OSBPL3: variants seen among roughly 807,000 people sequenced by gnomAD.
OSBPL3 encodes the protein oxysterol-binding protein-related protein 3.
Under a neutral mutation model 120.1 loss-of-function variants are expected in OSBPL3, and 65 were observed. That is an observed-to-expected ratio of 0.54 (90% confidence interval 0.44 to 0.67). OSBPL3 has a LOEUF of 0.67. Among genes scored for constraint, OSBPL3 ranks in the 30% least tolerant of loss-of-function variants. The pLI is 0.00. For missense variants in OSBPL3, 1,004 were observed against 1,082.1 expected (o/e 0.93, Z 1.01); for synonymous variants, 416 against 402.6 (o/e 1.03, Z -0.40).
In OSBPL3 at chr7:24,899,965, A is replaced by G. The variant is rs1028140311; in HGVS notation, c.-149-7344T>C. Among the ~76,000 whole-genome samples, 3 of 152,216 alleles carry G rather than the reference A, an allele frequency of 2.0e-5. No homozygotes were observed. Among genetic ancestry groups the G allele is most frequent in the Non-Finnish European group, 4.4e-5 (3 of 68,044 alleles). On this transcript the variant is annotated intron_variant, in intron 1 of 22. Transcript: ENST00000313367. The surrounding 1 kb of genome is among the most constrained non-coding windows in gnomAD (Gnocchi z 4.0). ...GTAACTGACTTAGCCTGTAGCTTTCAACCTTTCTTATTTGACTCCAAGCCA... is the reference window on the plus strand; with the variant it reads ...GTAACTGACTTAGCCTGTAGCTTTCGACCTTTCTTATTTGACTCCAAGCCA...
chr7:24,957,236 C>T (rs1398208372), intron 1 of OSBPL3, among the ~76,000 whole-genome samples: 3 of 150,676 alleles, frequency 2.0e-5, no homozygotes, highest in Non-Finnish European at 4.4e-5. Context: ...AAAAAAAAAA[C>T]CTCACCATCA....
chr7:24,823,186 CTTCAGCCT>C (rs1318495712), intron 16 of OSBPL3, among the ~76,000 whole-genome samples: 1 of 152,154 alleles, frequency 6.6e-6, no homozygotes, highest in Non-Finnish European at 1.5e-5. Context: ...TTTTCAGTCC[CTTCAGCCT>C]CTGTCACCTC....
In OSBPL3 at chr7:24,940,416, T is replaced by TA. The variant is rs1257002815; in HGVS notation, c.-150+39469dup. ...AAAAGGGTTGACTATATAGCCCAGG[T>TA]ACACCAGGGGAGAAGTAAAGAGTGT... is the stretch of plus-strand genomic sequence containing the variant. On this transcript the variant is annotated intron_variant, in intron 1 of 22. Transcript: ENST00000313367. This position sits in a 1 kb window ranked among gnomAD's most constrained non-coding sequence, Gnocchi z 4.4. 6.6e-6 allele frequency among the ~76,000 whole-genome samples: 1 copy of TA among 152,048 alleles called. No homozygotes were observed. The highest frequency in any genetic ancestry group is 1.5e-5 in the Non-Finnish European group (1 of 68,022).
chr7:24,812,442 TCAGCTCAGCTCAGGCCAGTC>T (rs1413759571), intron 19 of OSBPL3, among the ~76,000 whole-genome samples: 59 of 152,174 alleles, frequency 3.9e-4, no homozygotes, highest in Non-Finnish European at 7.8e-4. Context: ...TCTGCTCAGT[TCAGCTCAGCTCAGGCCAGTC>T]CAGCCCAGCT....
rs560166679 is a variant in OSBPL3 at position 24,813,894 on chromosome 7, C to T, written c.2172+1165G>A. ...TGAGAGACCATTCCATACTTTTTGC[C>T]TCTGGCCAATTTTTCCATTTATTCT... On this transcript the variant is annotated intron_variant, in intron 19 of 22. Coordinates refer to ENST00000313367, the MANE Select transcript of OSBPL3 (RefSeq NM_015550.4). The surrounding 1 kb of genome is among the most constrained non-coding windows in gnomAD (Gnocchi z 4.5). Among the ~76,000 whole-genome samples, 2 of 152,222 alleles carry T rather than the reference C, an allele frequency of 1.3e-5. No individual in the cohort carries two copies. The highest frequency in any genetic ancestry group is 2.1e-4 in the South Asian group (1 of 4,826).
In OSBPL3 at chr7:24,936,408, A is replaced by C. The variant is rs768237388; in HGVS notation, c.-150+43478T>G. Among the ~76,000 whole-genome samples, 3 of 152,218 alleles carry C rather than the reference A, an allele frequency of 2.0e-5. No individual in the cohort carries two copies. The highest frequency in any genetic ancestry group is 6.5e-5 in the Admixed American group (1 of 15,288). ...TCCAAGACCTCAACATGCACAAGAC[A>C]AAGATCTTGCTCTTAACAAGGTCAA... On this transcript the variant is annotated intron_variant, in intron 1 of 22. Coordinates refer to ENST00000313367, the MANE Select transcript of OSBPL3 (RefSeq NM_015550.4). The surrounding 1 kb of genome is among the most constrained non-coding windows in gnomAD (Gnocchi z 4.2).
intron 1 of OSBPL3, among the ~76,000 whole-genome samples, chr7:24,908,598 C>G (rs976481479): frequency 1.3e-5 from 2 of 152,214 alleles, no homozygotes; most frequent in South Asian, 4.1e-4. Context: ...GAGAACCACG[C>G]TAACCGTGGT....
chr7:24,954,397 T>C (rs910530500), intron 1 of OSBPL3, among the ~76,000 whole-genome samples: 1 of 152,200 alleles, frequency 6.6e-6, no homozygotes, highest in African/African-American at 2.4e-5. Context: ...ATTAAGAATG[T>C]TGTTATAGCT....
upstream of OSBPL3, among the ~76,000 whole-genome samples, chr7:24,980,443 C>A (rs567744837): frequency 3.3e-5 from 5 of 151,910 alleles, no homozygotes; most frequent in Non-Finnish European, 7.4e-5. Context: ...AGTCCTGCGG[C>A]GAGGCACTGG....
chr7:24,915,162 A>G (rs1308694065), intron 1 of OSBPL3, among the ~76,000 whole-genome samples: 1 of 152,178 alleles, frequency 6.6e-6, no homozygotes, highest in Non-Finnish European at 1.5e-5. Flanking sequence ...CAGCTCCACA[A>G]AGCTACCCAA....
At chr7:24,801,312 A>G (rs1470461290) in intron 22 of OSBPL3, among the ~76,000 whole-genome samples, 3 of 151,452 alleles carry the variant, frequency 2.0e-5, no homozygotes, top group East Asian at 1.9e-4. Flanking sequence ...CTGATTTTCT[A>G]TTCTTTGAAT....
intron 1 of OSBPL3, among the ~76,000 whole-genome samples, chr7:24,931,225 A>T (rs1321962207): frequency 6.6e-6 from 1 of 152,242 alleles, no homozygotes; most frequent in Non-Finnish European, 1.5e-5. Flanking sequence ...TAATTTGGAA[A>T]AAAATTCAGA....
rs1399761460 is a variant in OSBPL3, at chr7:24,863,587, C to T, written c.686G>A (p.Cys229Tyr). The T allele has an allele frequency of 1.2e-6, 2 of 1,612,678 alleles. No homozygotes were observed. The highest frequency in any genetic ancestry group is 1.7e-6 in the Non-Finnish European group (2 of 1,178,752). Residue 229 changes from cysteine (C) to tyrosine (Y), a missense_variant, in exon 8 of 23, where the codon TGT becomes TAT. Cys to Tyr is a radical substitution (Grantham distance 194). Coordinates refer to ENST00000313367, the MANE Select transcript of OSBPL3 (RefSeq NM_015550.4). This position sits in a 1 kb window ranked among gnomAD's most constrained non-coding sequence, Gnocchi z 5.8. ...GCTCATTTCTACCAGGTAGGCATGA[C>T]AGTGCGCCAGGTCTGTGGGGGAAAA... ...MEKCSKDLAH[C>Y]HAYLVEMSQL...
chr7:24,908,797 G>A (rs1215878287), intron 1 of OSBPL3, among the ~76,000 whole-genome samples: 1 of 152,092 alleles, frequency 6.6e-6, no homozygotes, highest in Admixed American at 6.6e-5. Flanking sequence ...TGCTCTGCCG[G>A]TTGTTCTCTA....
chr7:24,840,828 A>G (rs777637047), intron 13 of OSBPL3, 45 bp from the exon 14 acceptor site: 2 of 882,326 alleles, frequency 2.3e-6, no homozygotes, highest in Non-Finnish European at 3.6e-6. Context: ...AGAATAAACA[A>G]GAGCCAGATT....
chr7:24,935,090 A>G (rs1375895757), intron 1 of OSBPL3, among the ~76,000 whole-genome samples: 1 of 152,182 alleles, frequency 6.6e-6, no homozygotes, highest in Non-Finnish European at 1.5e-5. Flanking sequence ...AGAAAATTTG[A>G]TAAATAATTT....
At chr7:24,944,838 C>T (rs572539110) in intron 1 of OSBPL3, among the ~76,000 whole-genome samples, 2 of 152,264 alleles carry the variant, frequency 1.3e-5, no homozygotes, top group East Asian at 3.9e-4. Context: ...TTAATAGTGA[C>T]ATTTTAAATG....
intron 1 of OSBPL3, among the ~76,000 whole-genome samples, chr7:24,921,379 G>A (rs910847950): frequency 2.0e-5 from 3 of 152,142 alleles, no homozygotes; most frequent in East Asian, 3.9e-4. Flanking sequence ...CATGAATAGG[G>A]CAAGCACAGA....
chr7:24,981,137 A>G (rs888540399), upstream of OSBPL3, among the ~76,000 whole-genome samples: 5 of 152,180 alleles, frequency 3.3e-5, no homozygotes, highest in Non-Finnish European at 5.9e-5. This position sits in a 1 kb window ranked among gnomAD's most constrained non-coding sequence, Gnocchi z 7.3. Flanking sequence ...GACAGACAAT[A>G]AAGAAGAGAA....
Sources: gnomAD v4.1 joint callset for allele counts (sites outside exome capture counted in the v4.1 genomes callset) on GRCh38, gnomAD v4.1.1 for gene constraint, Gnocchi (gnomAD v3.1) non-coding constraint, MANE v1.5 for transcripts, NCBI Gene and HGNC (gene_info 2026-07-23, HGNC 2026-07-21) for gene names.